The following CLIP4 variants were observed in gnomAD, a reference collection of about 807,000 sequenced individuals.
CLIP4 encodes CAP-Gly domain-containing linker protein 4.
A neutral mutation model predicts 73.1 loss-of-function variants in CLIP4; 47 were observed. That is an observed-to-expected ratio of 0.64 (90% CI 0.51 to 0.82). The LOEUF (loss-of-function observed/expected upper bound fraction) is 0.82. Ranked by LOEUF, CLIP4 falls within the 40% of genes least tolerant of loss-of-function variation. CLIP4 has a pLI of 0.00. For synonymous variants in CLIP4, 306 were observed against 295.4 expected, an observed-to-expected ratio of 1.04 and a Z score of -0.37; for missense variants, 874 against 852.9, an observed-to-expected ratio of 1.02 and a Z score of -0.31.
At chr2:29,116,588 C>G (rs1336009187) in intron 1 of CLIP4, among the ~76,000 whole-genome samples, 10 of 152,188 alleles carry the variant, frequency 6.6e-5, no homozygotes, top group Admixed American at 6.5e-4. Context: ...TCACGTGGTG[C>G]GGGGCATTGA....
chr2:29,148,066 T>C (rs540070571), intron 8 of CLIP4, among the ~76,000 whole-genome samples: 4 of 152,246 alleles, frequency 2.6e-5, no homozygotes, highest in African/African-American at 9.6e-5. Context: ...AGGGGAGGCG[T>C]GCTTGATTGG....
At chr2:29,121,264 A>G in intron 1 of CLIP4, 110 bp from the exon 2 acceptor site, 1 of 1,096,544 alleles carries the variant, frequency 9.1e-7, no homozygotes, top group African/African-American at 1.6e-5. Flanking sequence ...TCCTTACTGA[A>G]AATGTCAGCA....
intron 1 of CLIP4, among the ~76,000 whole-genome samples, chr2:29,105,816 C>A (rs545727777): frequency 2.3e-4 from 35 of 152,330 alleles, no homozygotes; most frequent in African/African-American, 8.4e-4. Flanking sequence ...GTCTGTGAAC[C>A]AGGCAGAGGG....
chr2:29,150,941 C>A (rs538815420), intron 8 of CLIP4, among the ~76,000 whole-genome samples: 66 of 152,058 alleles, frequency 4.3e-4, no homozygotes, highest in African/African-American at 1.5e-3. Flanking sequence ...TCATATTTTT[C>A]TATATTTCTA....
intron 4 of CLIP4, 102 bp from the exon 5 acceptor site, chr2:29,133,553 A>G: frequency 1.0e-6 from 1 of 1,001,758 alleles, no homozygotes; most frequent in South Asian, 1.7e-5. Flanking sequence ...GTGTCTATAC[A>G]GTGCACTGTT....
chr2:29,154,497 G>T (rs972669619), intron 9 of CLIP4, among the ~76,000 whole-genome samples: 14 of 152,124 alleles, frequency 9.2e-5, no homozygotes, highest in Non-Finnish European at 1.6e-4. Context: ...ATCCACATTG[G>T]TTTTTCTTCT....
At chr2:29,146,409 A>G (rs948829765) in intron 8 of CLIP4, among the ~76,000 whole-genome samples, 1 of 151,786 alleles carries the variant, frequency 6.6e-6, no homozygotes, top group African/African-American at 2.4e-5. Flanking sequence ...TTTCTTTGAA[A>G]CTCTGCGAGG....
At chr2:29,119,199 G>T (rs1664085986) in intron 1 of CLIP4, among the ~76,000 whole-genome samples, 1 of 152,204 alleles carries the variant, frequency 6.6e-6, no homozygotes, top group Non-Finnish European at 1.5e-5. Flanking sequence ...ATATGTAAAA[G>T]AATGAAGCTG....
chr2:29,168,512 C>CTTTT (rs35201336), intron 14 of CLIP4, among the ~76,000 whole-genome samples: 1 of 66,776 alleles, frequency 1.5e-5, no homozygotes, highest in East Asian at 3.4e-4. Flanking sequence ...ATGGTTTGCC[C>CTTTT]TTTTTTTTTT....
chr2:29,107,010 C>T (rs1451605999), intron 1 of CLIP4, among the ~76,000 whole-genome samples: 1 of 152,162 alleles, frequency 6.6e-6, no homozygotes, highest in Non-Finnish European at 1.5e-5. Flanking sequence ...GCTTTTGTCA[C>T]AAAGGAGACT....
chr2:29,106,983 A>C (rs1467741135), intron 1 of CLIP4, among the ~76,000 whole-genome samples: 1 of 152,162 alleles, frequency 6.6e-6, no homozygotes. Flanking sequence ...GTCAGGAACA[A>C]TCTTATTATG....
intron 1 of CLIP4, among the ~76,000 whole-genome samples, chr2:29,102,648 C>T (rs1423863212): frequency 4.0e-5 from 6 of 150,734 alleles, no homozygotes; most frequent in East Asian, 3.9e-4. Context: ...TTTTTTGAGA[C>T]AGAGTCTCAC....
chr2:29,160,253 T>C (rs1173719317), intron 11 of CLIP4, 80 bp from the exon 12 acceptor site: 5 of 1,586,394 alleles, frequency 3.2e-6, no homozygotes, highest in Non-Finnish European at 4.3e-6. Flanking sequence ...TTTTGGCTAA[T>C]GTGCTTTTTG....
intron 6 of CLIP4, among the ~76,000 whole-genome samples, chr2:29,143,254 C>A (rs1250651951): frequency 1.3e-5 from 2 of 151,670 alleles, no homozygotes; most frequent in Non-Finnish European, 2.9e-5. Context: ...TTGCTTTTCC[C>A]TGCCAGAGAA....
In CLIP4 at chr2:29,133,798, A is replaced by G. The variant is rs1365936657; in HGVS notation, c.511A>G (p.Lys171Glu). 3 of 1,607,096 alleles carry G rather than the reference A, an allele frequency of 1.9e-6. No individual in the cohort carries two copies. The highest frequency in any genetic ancestry group is 1.7e-6 in the Non-Finnish European group (2 of 1,177,880). Residue 171 changes from lysine to glutamate, a missense_variant, in exon 5 of 16, where the codon AAA becomes GAA. Physicochemically the swap from Lys to Glu is moderately conservative, Grantham distance 56. Coordinates refer to ENST00000320081, the MANE Select transcript of CLIP4 (RefSeq NM_024692.6). ...DVPELIRVIL[K>E]TSKPKDVDAT... ...CCCTGAACTTATAAGAGTGATTTTG[A>G]AAACATCGAAACCAAAAGGCAAGTA...
chr2:29,150,228 G>A (rs931276264), intron 8 of CLIP4, among the ~76,000 whole-genome samples: 10 of 152,164 alleles, frequency 6.6e-5, no homozygotes, highest in African/African-American at 2.2e-4. Context: ...TAGGGGGAAG[G>A]TTCACCAAAT....
At chr2:29,149,545 T>A (rs533974958) in intron 8 of CLIP4, among the ~76,000 whole-genome samples, 6 of 152,128 alleles carry the variant, frequency 3.9e-5, no homozygotes, top group Admixed American at 6.5e-5. Flanking sequence ...TATTTTTGTC[T>A]TTCCAAATAA....
intron 8 of CLIP4, among the ~76,000 whole-genome samples, chr2:29,146,240 C>G (rs953809816): frequency 6.6e-6 from 1 of 152,078 alleles, no homozygotes. Flanking sequence ...ACCAGGGGCA[C>G]GCCCAGCTCT....
intron 15 of CLIP4, among the ~76,000 whole-genome samples, chr2:29,179,455 C>A (rs1433095738): frequency 6.6e-6 from 1 of 152,178 alleles, no homozygotes; most frequent in African/African-American, 2.4e-5. Context: ...GAGAGCCTGG[C>A]CTTTGTGCTT....
Sources: allele counts gnomAD v4.1 joint callset (sites outside exome capture counted in the v4.1 genomes callset), GRCh38; gene constraint gnomAD v4.1.1; transcripts MANE v1.5; gene names NCBI Gene and HGNC (gene_info 2026-07-23, HGNC 2026-07-21).